The following RRAGB variants were observed in gnomAD, a reference collection of about 807,000 sequenced individuals.
RRAGB encodes the protein ras-related GTP-binding protein B.
Under a neutral mutation model 29.3 loss-of-function variants are expected in RRAGB, and 6 were observed. The ratio of observed to expected loss-of-function variants is 0.21; its 90% CI spans 0.11 to 0.40. The LOEUF (loss-of-function observed/expected upper bound fraction) is 0.40, where lower values mean the gene tolerates loss of function less well. Ranked by LOEUF, RRAGB falls within the 10% of genes least tolerant of loss-of-function variation. The probability of loss-of-function intolerance (pLI) is 1.00; values close to 1 mark genes in which losing one functional copy is unlikely to be tolerated. For synonymous variants in RRAGB, 101 were observed against 92.5 expected (o/e 1.09, Z -0.53); for missense variants, 184 against 272.9 (o/e 0.67, Z 2.29).
chrX:55,743,498 T>C (rs1767606213), intron 5 of RRAGB, among the ~76,000 whole-genome samples: 1 of 112,443 alleles, frequency 8.9e-6, no homozygotes, highest in African/African-American at 3.2e-5. Flanking sequence ...TGAGCCCATA[T>C]ATAACAACCC....
intron 5 of RRAGB, among the ~76,000 whole-genome samples, chrX:55,746,785 A>G (rs1024774151): frequency 3.6e-5 from 4 of 111,693 alleles, no homozygotes; most frequent in Middle Eastern, 4.6e-3. Flanking sequence ...GTTTCATCCA[A>G]CCATCCAAAC....
intron 3 of RRAGB, among the ~76,000 whole-genome samples, chrX:55,723,980 T>C (rs934854992): frequency 2.7e-5 from 3 of 112,421 alleles, no homozygotes; most frequent in African/African-American, 9.7e-5. Context: ...ATTTTTCTTA[T>C]GGTATTGAGA....
intron 5 of RRAGB, among the ~76,000 whole-genome samples, chrX:55,740,149 C>T (rs962900933): frequency 9.0e-6 from 1 of 110,938 alleles, no homozygotes; most frequent in South Asian, 3.8e-4. Context: ...GGTGAAACCC[C>T]GTCTCTACTA....
At chrX:55,737,216 C>T (rs1036741623) in intron 5 of RRAGB, among the ~76,000 whole-genome samples, 2 of 112,388 alleles carry the variant, frequency 1.8e-5, no homozygotes, top group Non-Finnish European at 3.8e-5. Context: ...TCTGCTTCCC[C>T]ATCATGCTTT....
chrX:55,731,497 C>T lies in RRAGB; in HGVS notation c.427C>T (p.Leu143=). ...GGACATGCACTATTACCAATCATGC[C>T]TGGAGGCCATTCTGCAGAATTCTCC... The part of the protein sequence containing the change: ...EKDMHYYQSC[L]EAILQNSPDA... The change falls in exon 5 of 10, where the codon CTG becomes TTG. Residue 143 remains leucine (L), a synonymous_variant. Coordinates refer to ENST00000374941, the MANE Select transcript of RRAGB (RefSeq NM_006064.5). 1.5e-5 allele frequency: 18 copies of T among 1,208,945 alleles called. No homozygotes were observed. Among genetic ancestry groups the T allele is most frequent in the Non-Finnish European group, 2.0e-5 (18 of 893,540 alleles).
At chrX:55,753,015 T>C (rs748674880) in intron 6 of RRAGB, among the ~76,000 whole-genome samples, 1 of 112,318 alleles carries the variant, frequency 8.9e-6, no homozygotes, top group Non-Finnish European at 1.9e-5. Flanking sequence ...TTTAGAGAAA[T>C]CTACACTGTT....
intron 3 of RRAGB, among the ~76,000 whole-genome samples, chrX:55,726,229 A>G (rs558189092): frequency 1.8e-5 from 2 of 111,817 alleles, no homozygotes; most frequent in African/African-American, 6.5e-5. Context: ...CAAAAGTAGT[A>G]CTTGTGAAAA....
chrX:55,739,819 A>G (rs2033991151), intron 5 of RRAGB, among the ~76,000 whole-genome samples: 1 of 112,450 alleles, frequency 8.9e-6, no homozygotes, highest in South Asian at 3.7e-4. Flanking sequence ...CATCTTGGAA[A>G]AAAAAAATCA....
chrX:55,755,371 G>A (rs2034631385), intron 7 of RRAGB: 2 of 746,021 alleles, frequency 2.7e-6, no homozygotes, highest in Non-Finnish European at 3.2e-6. Flanking sequence ...ATTCCTCAGG[G>A]ATTGGAATCA....
chrX:55,749,026 C>T (rs1457695520), intron 5 of RRAGB, among the ~76,000 whole-genome samples: 1 of 99,821 alleles, frequency 1.0e-5, no homozygotes, highest in South Asian at 4.9e-4. Context: ...GTCAGCCTCC[C>T]GCCCGGCCAG....
chrX:55,749,935 A>G (rs2034464448), intron 5 of RRAGB, among the ~76,000 whole-genome samples: 1 of 108,543 alleles, frequency 9.2e-6, no homozygotes, highest in African/African-American at 3.3e-5. Flanking sequence ...AAAACCAGAG[A>G]CCTTTGTTCA....
intron 5 of RRAGB, among the ~76,000 whole-genome samples, chrX:55,733,791 G>C (rs1444750334): frequency 9.0e-6 from 1 of 111,149 alleles, no homozygotes; most frequent in African/African-American, 3.3e-5. Context: ...CGTGGCTTTG[G>C]TATTAGGATG....
intron 2 of RRAGB, among the ~76,000 whole-genome samples, chrX:55,721,474 C>T (rs1296287657): frequency 1.8e-5 from 2 of 111,635 alleles, no homozygotes; most frequent in East Asian, 2.8e-4. Context: ...GAGAGTACTG[C>T]GTGAAACAAT....
intron 4 of RRAGB, among the ~76,000 whole-genome samples, chrX:55,730,530 C>T (rs1025068823): frequency 1.8e-5 from 2 of 111,920 alleles, no homozygotes; most frequent in Non-Finnish European, 1.9e-5. Flanking sequence ...CTCCTACTAC[C>T]GGATGCTACT....
rs1352283299 is a variant in RRAGB at position 55,753,240 on chromosome X, A to G, written c.613-152A>G. On this transcript the variant is annotated intron_variant, in intron 6 of 9. Coordinates refer to ENST00000374941, the MANE Select transcript of RRAGB (RefSeq NM_006064.5). ...GATGCTAGCTTCATTTTCTCATTTC[A>G]TTTGTGTTATATCATATTTAATGTC... is the stretch of plus-strand genomic sequence containing the variant. 1.0e-5 allele frequency: 4 copies of G among 390,949 alleles called. No individual in the cohort carries two copies. In the East Asian group the frequency reaches 1.8e-4, roughly 17 times the overall value. 32.2% of individuals were successfully genotyped at this position (390,949 alleles called of 1,213,427 possible). A position where few individuals can be genotyped will look rare whatever the true frequency, so the allele number is the denominator to read the frequency against.
At chrX:55,746,871 G>A (rs181624380) in intron 5 of RRAGB, among the ~76,000 whole-genome samples, 180 of 111,978 alleles carry the variant, frequency 1.6e-3, no homozygotes, top group African/African-American at 5.4e-3. Context: ...AGCTCCTATC[G>A]GTAAATTTAG....
At position 55,755,952 on chromosome X, in the gene RRAGB, T is replaced by G; in HGVS notation, c.827+20T>G. The G allele has an allele frequency of 1.9e-6, 2 of 1,073,566 alleles. No individual in the cohort carries two copies. Among genetic ancestry groups the G allele is most frequent in the Non-Finnish European group, 2.6e-6 (2 of 773,864 alleles). 88.5% of individuals were successfully genotyped at this position (1,073,566 alleles called of 1,213,427 possible). The stretch of plus-strand genomic sequence containing the variant: ...CTGCAGGTAAGAGATCTAGTAGGAA[T>G]GATCTGTTTATCTCTTGAAAAAATT... On this transcript the variant is annotated intron_variant, in intron 8 of 9. Coordinates refer to ENST00000374941, the MANE Select transcript of RRAGB (RefSeq NM_006064.5).
intron 3 of RRAGB, among the ~76,000 whole-genome samples, chrX:55,722,654 T>A (rs2033324940): frequency 8.9e-6 from 1 of 112,231 alleles, no homozygotes. Flanking sequence ...ATGCTAAGAT[T>A]TTTTAAAGCA....
chrX:55,758,162 CTT>C (rs1183864819), intron 9 of RRAGB, 82 bp from the exon 10 acceptor site: 6 of 588,370 alleles, frequency 1.0e-5, no homozygotes, highest in Non-Finnish European at 1.6e-5. Flanking sequence ...ATTTGGCTCT[CTT>C]TTGTTTATTT....
Sources: allele counts gnomAD v4.1 joint callset (sites outside exome capture counted in the v4.1 genomes callset), GRCh38; gene constraint gnomAD v4.1.1; transcripts MANE v1.5; gene names NCBI Gene and HGNC (gene_info 2026-07-23, HGNC 2026-07-21).